The following SLC7A8 variants were observed in gnomAD, a reference collection of about 807,000 sequenced individuals.
SLC7A8 encodes large neutral amino acids transporter small subunit 2.
Under a neutral mutation model 51.2 loss-of-function variants are expected in SLC7A8, and 30 were observed. The ratio of observed to expected loss-of-function variants is 0.59; its 90% CI spans 0.44 to 0.80. SLC7A8 has a LOEUF of 0.80. Ranked by LOEUF, SLC7A8 falls within the 30% of genes least tolerant of loss-of-function variation. The pLI, the probability that SLC7A8 is intolerant of heterozygous loss-of-function variation, is 0.00. For missense variants in SLC7A8, 612 were observed against 674.4 expected (o/e 0.91, Z 1.03); for synonymous variants, 257 against 275.8 (o/e 0.93, Z 0.67).
At chr14:23,180,149 G>A (rs374007955) in intron 1 of SLC7A8, among the ~76,000 whole-genome samples, 305 of 152,120 alleles carry the variant, frequency 2.0e-3, no homozygotes, top group East Asian at 3.7e-3. Context: ...CTCGTGATCC[G>A]CCCGCCTTGG....
rs1256374767 is a variant in SLC7A8, at chr14:23,128,569, G to A, written c.1264-373C>T. ...CTGGCACATGGGTGTGTCTGCTGAG[G>A]TCCTAGGGTGGAGGGGAGGTGTGGC... is the stretch of plus-strand genomic sequence containing the variant. On this transcript the variant is annotated intron_variant, in intron 9 of 10. Coordinates refer to ENST00000316902, the MANE Select transcript of SLC7A8 (RefSeq NM_012244.4). This position sits in a 1 kb window ranked among gnomAD's most constrained non-coding sequence, Gnocchi z 4.3. Among the ~76,000 whole-genome samples, 4 of 152,230 alleles carry A rather than the reference G, an allele frequency of 2.6e-5. No individual in the cohort carries two copies. Among genetic ancestry groups the A allele is most frequent in the Non-Finnish European group, 5.9e-5 (4 of 68,036 alleles).
chr14:23,164,013 G>A (rs552888940), intron 3 of SLC7A8, among the ~76,000 whole-genome samples: 1 of 151,610 alleles, frequency 6.6e-6, no homozygotes, highest in African/African-American at 2.4e-5. Flanking sequence ...CCAGGCTGGA[G>A]TGCAGTGGCT....
intron 1 of SLC7A8, among the ~76,000 whole-genome samples, chr14:23,168,673 T>G (rs922289579): frequency 6.6e-6 from 1 of 152,226 alleles, no homozygotes; most frequent in Non-Finnish European, 1.5e-5. Flanking sequence ...CAAGAATGGC[T>G]GTTGCAAGAG....
intron 3 of SLC7A8, among the ~76,000 whole-genome samples, chr14:23,158,643 C>T (rs770550288): frequency 2.6e-5 from 4 of 152,208 alleles, no homozygotes; most frequent in Non-Finnish European, 4.4e-5. Context: ...CGCGCCCGGC[C>T]GACATAGAAC....
chr14:23,177,626 C>T (rs1273210370), intron 1 of SLC7A8, among the ~76,000 whole-genome samples: 1 of 152,148 alleles, frequency 6.6e-6, no homozygotes, highest in Non-Finnish European at 1.5e-5. Context: ...GTATAAAGTA[C>T]CTAAATGGCC....
chr14:23,163,578 T>C (rs2048934850), intron 3 of SLC7A8, among the ~76,000 whole-genome samples: 1 of 152,162 alleles, frequency 6.6e-6, no homozygotes, highest in Non-Finnish European at 1.5e-5. Context: ...TGTAAGAGGC[T>C]ACTGAGGTGG....
rs751557425 is a variant in SLC7A8 at position 23,166,356 on chromosome 14, G to A, written c.336C>T (p.Asp112=). The stretch of plus-strand genomic sequence containing the variant: ...CTTACCCAGCCAGTCCTCCGAAGAT[G>A]TCCTTGACATAGGAGTAGTCACCTC... The part of the protein sequence containing the change: ...KSGGDYSYVK[D]IFGGLAGFLR... The change falls in exon 2 of 11, where the codon GAC becomes GAT. Residue 112 remains aspartate (D), a synonymous_variant. Transcript: ENST00000316902. 1 of 1,613,906 alleles carries A rather than the reference G, an allele frequency of 6.2e-7. No homozygotes were observed. Among genetic ancestry groups the A allele is most frequent in the Non-Finnish European group, 8.5e-7 (1 of 1,180,026 alleles).
intron 3 of SLC7A8, among the ~76,000 whole-genome samples, chr14:23,152,193 G>T (rs995302270): frequency 6.6e-6 from 1 of 152,152 alleles, no homozygotes; most frequent in Non-Finnish European, 1.5e-5. Context: ...GCAGTGGCCT[G>T]ATGTTGGCAA....
rs748775391 is a variant in SLC7A8 at position 23,127,350 on chromosome 14, G to A, written c.1442-7C>T. 5.0e-6 allele frequency: 8 copies of A among 1,613,168 alleles called. 1 individual carries two copies. The highest frequency in any genetic ancestry group is 2.2e-5 in the South Asian group (2 of 91,070). The stretch of plus-strand genomic sequence containing the variant: ...CTCACCAGGGTTAGCAGCTCTGTAG[G>A]AAGAGATCACACAGAAACCAGGCCA... On this transcript the variant is annotated splice_region_variant and splice_polypyrimidine_tract_variant and intron_variant, in intron 10 of 10. Coordinates refer to ENST00000316902, the MANE Select transcript of SLC7A8 (RefSeq NM_012244.4).
intron 3 of SLC7A8, chr14:23,154,351 G>A: frequency 1.0e-6 from 1 of 999,888 alleles, no homozygotes. Flanking sequence ...AAGGGGTGAG[G>A]CATGTCCCTC....
chr14:23,140,464 A>G lies in SLC7A8; in HGVS notation c.788+7T>C. 3 of 1,592,438 alleles carry G rather than the reference A, an allele frequency of 1.9e-6. No individual in the cohort carries two copies. Among genetic ancestry groups the G allele is most frequent in the Non-Finnish European group, 2.6e-6 (3 of 1,163,034 alleles). On this transcript the variant is annotated splice_region_variant and intron_variant, in intron 5 of 10. Coordinates refer to ENST00000316902, the MANE Select transcript of SLC7A8 (RefSeq NM_012244.4). ...GGAGAGGGAATAGCCAGGCTCTTTC[A>G]ACTCACTTGTAGGGATCAACAAGCT... is the stretch of plus-strand genomic sequence containing the variant.
chr14:23,175,877 G>A (rs749434730), intron 1 of SLC7A8, among the ~76,000 whole-genome samples: 1 of 152,072 alleles, frequency 6.6e-6, no homozygotes, highest in Non-Finnish European at 1.5e-5. Flanking sequence ...TCAGTAAATG[G>A]CAGCTACTTA....
chr14:23,137,784 A>G (rs1245445857), intron 7 of SLC7A8, 137 bp downstream of exon 7: 3 of 1,058,854 alleles, frequency 2.8e-6, no homozygotes, highest in Non-Finnish European at 4.1e-6. Flanking sequence ...CCCTCATGTG[A>G]GCAGTCACCC....
intron 7 of SLC7A8, 109 bp from the exon 8 acceptor site, chr14:23,131,666 C>A: frequency 4.2e-6 from 3 of 722,384 alleles, no homozygotes; most frequent in Non-Finnish European, 6.5e-6. Context: ...CCACTCCAAC[C>A]AGGCACCCGC....
At position 23,139,460 on chromosome 14, in the gene SLC7A8, G is replaced by A. The variant is rs2048721988; in HGVS notation, c.876C>T (p.Ser292=). The A allele has an allele frequency of 6.2e-7, 1 of 1,614,080 alleles. No individual in the cohort carries two copies. Among genetic ancestry groups the A allele is most frequent in the Non-Finnish European group, 8.5e-7 (1 of 1,179,988 alleles). ...CGTTGGATGCCAGCAGCTCCTGGGG[G>A]GACATTGCAGTGACATAAGCGACAT... ...FANVAYVTAM[S]PQELLASNAV... The change falls in exon 6 of 11, where the codon TCC becomes TCT. Residue 292 remains serine, a synonymous_variant. Transcript: ENST00000316902.
chr14:23,178,635 T>C (rs1877027231), intron 1 of SLC7A8, among the ~76,000 whole-genome samples: 1 of 151,862 alleles, frequency 6.6e-6, no homozygotes, highest in Non-Finnish European at 1.5e-5. Flanking sequence ...CAAGGTTTTG[T>C]TGGGCACGGT....
chr14:23,140,730 C>G (rs1433167749), intron 4 of SLC7A8, 106 bp from the exon 5 acceptor site: 6 of 1,130,924 alleles, frequency 5.3e-6, no homozygotes, highest in Non-Finnish European at 7.6e-6. Flanking sequence ...GCAATGACAC[C>G]AACTCTGTCT....
intron 4 of SLC7A8, among the ~76,000 whole-genome samples, chr14:23,142,675 A>AT (rs904726467): frequency 5.9e-5 from 9 of 151,792 alleles, no homozygotes; most frequent in Non-Finnish European, 1.2e-4. Context: ...TAATTTTTAA[A>AT]TTTTTTTGTA....
intron 3 of SLC7A8, among the ~76,000 whole-genome samples, chr14:23,164,613 T>TC (rs199571039): frequency 1.6e-4 from 16 of 98,396 alleles, no homozygotes; most frequent in African/African-American, 4.3e-4. Flanking sequence ...TTTCTTTCTT[T>TC]TTTTTTTTTT....
Sources: gnomAD v4.1 joint callset for allele counts (sites outside exome capture counted in the v4.1 genomes callset) on GRCh38, gnomAD v4.1.1 for gene constraint, Gnocchi (gnomAD v3.1) non-coding constraint, MANE v1.5 for transcripts, NCBI Gene and HGNC (gene_info 2026-07-23, HGNC 2026-07-21) for gene names.